Variants in KDM4B observed in about 807,000 individuals in gnomAD.
The protein encoded by KDM4B is lysine demethylase 4B, also known as lysine-specific demethylase 4B.
A neutral mutation model predicts 125.2 loss-of-function variants in KDM4B; 32 were observed. The observed-to-expected ratio is 0.26, with a 90% CI of 0.19 to 0.34. KDM4B has a LOEUF of 0.34. KDM4B is among the 10% of genes least tolerant of loss of function. KDM4B has a pLI of 1.00. For missense variants in KDM4B, 1,190 were observed against 1,577.7 expected (o/e 0.75, Z 4.16); for synonymous variants, 721 against 677.9 (o/e 1.06, Z -0.99).
At chr19:5,099,115 G>T (rs538253958) in intron 9 of KDM4B, among the ~76,000 whole-genome samples, 44 of 152,348 alleles carry the variant, frequency 2.9e-4, no homozygotes, top group African/African-American at 1.1e-3. Context: ...GGCACACACT[G>T]GGTAGCAGTG....
In KDM4B at chr19:5,138,710, A is replaced by G. The variant is rs528609122; in HGVS notation, c.2550+640A>G. ...TAGCGTGAGATCTGCCCTCTTAAGA[A>G]GCATCTGAGGTTCAGTACAGCATTC... On this transcript the variant is annotated intron_variant, in intron 18 of 22. Transcript: ENST00000159111. Among the ~76,000 whole-genome samples the G allele has an allele frequency of 3.3e-5, 5 of 152,228 alleles. No homozygotes were observed. In the South Asian group the frequency reaches 1.0e-3, roughly 32 times the overall value.
chr19:5,139,869 CTCA>C (rs2039711285), intron 18 of KDM4B, among the ~76,000 whole-genome samples: 2 of 152,264 alleles, frequency 1.3e-5, no homozygotes, highest in African/African-American at 4.8e-5. Flanking sequence ...GTAGCGGGGC[CTCA>C]TCGTGGGGGC....
intron 1 of KDM4B, among the ~76,000 whole-genome samples, chr19:5,007,279 T>C (rs746250956): frequency 7.2e-5 from 11 of 152,258 alleles, no homozygotes; most frequent in Non-Finnish European, 1.5e-4. Flanking sequence ...TCTGTCATTT[T>C]CGGCATGGTT....
intron 13 of KDM4B, among the ~76,000 whole-genome samples, chr19:5,133,550 T>A (rs1001875026): frequency 1.3e-5 from 2 of 152,010 alleles, no homozygotes; most frequent in African/African-American, 4.8e-5. Context: ...AGGCCCTGGG[T>A]GAGTGGACGG....
At chr19:4,988,084 G>A (rs941795476) in intron 1 of KDM4B, among the ~76,000 whole-genome samples, 1 of 152,160 alleles carries the variant, frequency 6.6e-6, no homozygotes, top group Non-Finnish European at 1.5e-5. Context: ...CAGCACACGC[G>A]AGCAAAGCGG....
chr19:5,096,512 C>T (rs138926645), intron 9 of KDM4B, among the ~76,000 whole-genome samples: 1 of 152,282 alleles, frequency 6.6e-6, no homozygotes, highest in African/African-American at 2.4e-5. Flanking sequence ...TTCCTGCTGA[C>T]CTCAGTGCCC....
intron 9 of KDM4B, among the ~76,000 whole-genome samples, chr19:5,091,525 C>T (rs1427293507): frequency 6.6e-6 from 1 of 152,218 alleles, no homozygotes; most frequent in East Asian, 1.9e-4. Flanking sequence ...CCTCCCACCT[C>T]CCCGCATCCA....
chr19:4,988,182 G>C (rs780274691), intron 1 of KDM4B, among the ~76,000 whole-genome samples: 1 of 152,220 alleles, frequency 6.6e-6, no homozygotes, highest in African/African-American at 2.4e-5. Flanking sequence ...TCCTCCCCAC[G>C]TACCTAACCC....
Position 5,135,365 on chromosome 19 carries a change from C to T in KDM4B, c.2112C>T (p.Pro704=), listed in dbSNP as rs771774724. ...CCCTACAGACTGAGAAGGAGGCACCCATAGCCTCCCTCGGAGAGGGCTGCC... is the reference window on the plus strand; with the variant it reads ...CCCTACAGACTGAGAAGGAGGCACCTATAGCCTCCCTCGGAGAGGGCTGCC... ...CQALQTEKEA[P]IASLGEGCPA... Residue 704 remains proline, a synonymous_variant, in exon 15 of 23, where the codon CCC becomes CCT. Coordinates refer to ENST00000159111, the MANE Select transcript of KDM4B (RefSeq NM_015015.3). 1 of 1,612,602 alleles carries T rather than the reference C, an allele frequency of 6.2e-7. No individual in the cohort carries two copies. Among genetic ancestry groups the T allele is most frequent in the Non-Finnish European group, 8.5e-7 (1 of 1,179,224 alleles).
At chr19:5,045,754 A>G (rs773736863) in intron 5 of KDM4B, among the ~76,000 whole-genome samples, 21 of 152,172 alleles carry the variant, frequency 1.4e-4, no homozygotes, top group African/African-American at 3.6e-4. Context: ...ATTTACAGGC[A>G]TGAGCCACCA....
At chr19:5,119,060 C>G in intron 10 of KDM4B, 1 of 1,057,700 alleles carries the variant, frequency 9.5e-7, no homozygotes, top group South Asian at 1.4e-5. Context: ...CAGGACCAGG[C>G]GTCCTGGGGA....
At chr19:5,061,828 TAAAA>T (rs71170891) in intron 6 of KDM4B, among the ~76,000 whole-genome samples, 1 of 138,282 alleles carries the variant, frequency 7.2e-6, no homozygotes. Context: ...CCCTGTCTCT[TAAAA>T]AAAAAAAACA....
intron 1 of KDM4B, among the ~76,000 whole-genome samples, chr19:5,008,143 G>A (rs1165791486): frequency 1.3e-5 from 2 of 152,156 alleles, no homozygotes; most frequent in East Asian, 3.8e-4. Flanking sequence ...TTTGTAGTTT[G>A]GGCACTTACA....
intron 1 of KDM4B, among the ~76,000 whole-genome samples, chr19:4,989,489 C>G (rs939370714): frequency 8.6e-5 from 13 of 151,882 alleles, no homozygotes; most frequent in Admixed American, 2.0e-4. Flanking sequence ...CAGGCATGCA[C>G]CACCACGCCC....
At chr19:5,136,275 G>A (rs2039647002) in intron 15 of KDM4B, among the ~76,000 whole-genome samples, 1 of 152,194 alleles carries the variant, frequency 6.6e-6, no homozygotes, top group Admixed American at 6.5e-5. Flanking sequence ...CTGCTCTCAG[G>A]GACCCCTCCC....
At chr19:5,007,133 G>A (rs2035586164) in intron 1 of KDM4B, among the ~76,000 whole-genome samples, 1 of 152,224 alleles carries the variant, frequency 6.6e-6, no homozygotes, top group South Asian at 2.1e-4. Flanking sequence ...AGCACCCCCT[G>A]CCAACCTCCA....
chr19:5,150,197 G>A (rs980566155), intron 21 of KDM4B, among the ~76,000 whole-genome samples, 161 bp from the exon 22 acceptor site: 10 of 152,204 alleles, frequency 6.6e-5, no homozygotes, highest in Non-Finnish European at 8.8e-5. Context: ...TGCTGCAGGC[G>A]GTGTCAGAGG....
intron 5 of KDM4B, chr19:5,047,174 A>C (rs1311729012): frequency 3.1e-6 from 1 of 322,732 alleles, no homozygotes; most frequent in African/African-American, 2.1e-5. Context: ...TCTCACGCCT[A>C]TAGCCTATAG....
intron 1 of KDM4B, among the ~76,000 whole-genome samples, chr19:5,015,409 G>A (rs899000146): frequency 3.3e-5 from 5 of 151,650 alleles, no homozygotes; most frequent in Admixed American, 1.3e-4. Context: ...ACATCACCAC[G>A]CCCGGCTAAT....
Sources: allele counts gnomAD v4.1 joint callset (sites outside exome capture counted in the v4.1 genomes callset), GRCh38; gene constraint gnomAD v4.1.1; transcripts MANE v1.5; gene names NCBI Gene and HGNC (gene_info 2026-07-23, HGNC 2026-07-21).